MUC6: variants seen among roughly 807,000 people sequenced by gnomAD.
The protein encoded by MUC6 is mucin 6, oligomeric mucus/gel-forming (gene/pseudogene), also known as mucin-6.
A neutral mutation model predicts 201.5 loss-of-function variants in MUC6; 188 were observed. That is an observed-to-expected ratio of 0.93 (90% confidence interval 0.83 to 1.05). MUC6 has a LOEUF of 1.05. Among genes scored for constraint, MUC6 ranks in the 50% least tolerant of loss-of-function variants. The probability of loss-of-function intolerance (pLI) is 0.00; values close to 1 mark genes in which losing one functional copy is unlikely to be tolerated. For missense variants in MUC6, 2,706 were observed against 3,256.9 expected (o/e 0.83, Z 4.12); for synonymous variants, 1,228 against 1,389.4 (o/e 0.88, Z 2.58).
intron 31 of MUC6, among the ~76,000 whole-genome samples, chr11:1,015,175 C>A (rs1012807740): frequency 2.0e-5 from 3 of 151,992 alleles, no homozygotes; most frequent in Non-Finnish European, 4.4e-5. Context: ...CCCAGGCATC[C>A]CATGGCCTGG....
intron 9 of MUC6, 51 bp from the exon 10 acceptor site, chr11:1,029,417 A>G (rs1348078953): frequency 6.3e-7 from 1 of 1,596,514 alleles, no homozygotes. Flanking sequence ...CGCTGGAGCC[A>G]GACAGCACAC....
At position 1,013,433 on chromosome 11, in the gene MUC6, C is replaced by T. The variant is rs751268641; in HGVS notation, c.*23G>A. On this transcript the variant is annotated 3_prime_UTR_variant, in exon 33 of 33. Transcript: ENST00000421673. ...TCTGTCATCTGCAGTCCTTCAGCCC[C>T]AGGAGAGCAGGCAGCGACCCTGCTA... 2 of 1,556,234 alleles carry T rather than the reference C, an allele frequency of 1.3e-6. No homozygotes were observed. Among genetic ancestry groups the T allele is most frequent in the South Asian group, 1.2e-5 (1 of 84,256 alleles).
In MUC6 at chr11:1,018,881, G is replaced by T; in HGVS notation, c.4031-111C>A. On this transcript the variant is annotated intron_variant, in intron 30 of 32. Transcript: ENST00000421673. The stretch of plus-strand genomic sequence containing the variant: ...CTTTTTCTTGCCTGTCTGTGCCTCT[G>T]TTCCTGTGACATGGCCCCTGCTGGG... 12 of 1,387,434 alleles carry T rather than the reference G, an allele frequency of 8.6e-6. 1 individual carries two copies. In the South Asian group the frequency reaches 1.6e-4, roughly 18 times the overall value. The allele number at this position is 1,387,434 out of a possible 1,614,324, so 85.9% of individuals were successfully genotyped here.
In MUC6 at chr11:1,017,674, A is replaced by C; in HGVS notation, c.5127T>G (p.Thr1709=). ...SSTHHAEATS[T]STTNITPNPT... ...GGTTGGGGGTGATGTTGGTGGTAGA[A>C]GTTGAGGTGGCTTCAGCATGGTGTG... is the stretch of plus-strand genomic sequence containing the variant. Residue 1709 remains threonine, a synonymous_variant, in exon 31 of 33, where the codon ACT becomes ACG. Coordinates refer to ENST00000421673, the MANE Select transcript of MUC6 (RefSeq NM_005961.3). The C allele has an allele frequency of 6.6e-7, 1 of 1,513,386 alleles. No individual in the cohort carries two copies. Among genetic ancestry groups the C allele is most frequent in the South Asian group, 1.3e-5 (1 of 76,084 alleles). The allele number at this position is 1,513,386 out of a possible 1,614,324, so 93.7% of individuals were successfully genotyped here.
Position 1,028,882 on chromosome 11 carries a change from GACGTACGAGTCTTGTATGGC to G in MUC6, c.1440_1453+6del. 1.2e-6 allele frequency: 2 copies of G among 1,612,002 alleles called. No homozygotes were observed. The highest frequency in any genetic ancestry group is 1.7e-6 in the Non-Finnish European group (2 of 1,179,886). ...TCTGGGGGGCCACAGACTGGGCCAGGACGTACGAGTCTTGTATGGCAGCCACTTGGCTTCTCCGTTGTTGG... is the reference window on the plus strand; with the variant it reads ...TCTGGGGGGCCACAGACTGGGCCAGGAGCCACTTGGCTTCTCCGTTGTTGG... On this transcript the variant is annotated splice_donor_variant and splice_donor_5th_base_variant and coding_sequence_variant and intron_variant, in exon 12 of 33. Coordinates refer to ENST00000421673, the MANE Select transcript of MUC6 (RefSeq NM_005961.3). LOFTEE classifies it high-confidence loss of function.
intron 30 of MUC6, among the ~76,000 whole-genome samples, 191 bp from the exon 31 acceptor site, chr11:1,018,961 C>T (rs1337965457): frequency 6.6e-6 from 1 of 152,194 alleles, no homozygotes; most frequent in Non-Finnish European, 1.5e-5. Context: ...CACATCCTGC[C>T]CTGAGCTGCG....
At position 1,015,785 on chromosome 11, in the gene MUC6, C is replaced by T; in HGVS notation, c.7016G>A (p.Gly2339Glu). 6.5e-7 allele frequency: 1 copy of T among 1,546,746 alleles called. No homozygotes were observed. The highest frequency in any genetic ancestry group is 8.7e-7 in the Non-Finnish European group (1 of 1,144,292). The change falls in exon 31 of 33, where the codon GGG becomes GAG. Residue 2339 changes from glycine to glutamate, a missense_variant. By Grantham distance (98) the Gly-to-Glu change is moderately conservative. Around this residue, in one of 10 missense-constraint regions of MUC6, gnomAD observed 586 missense variants for 488.0 expected, o/e 1.20. Coordinates refer to ENST00000421673, the MANE Select transcript of MUC6 (RefSeq NM_005961.3). ...TPASAPVSSL[G>E]TPTPTSPGVC... is the part of the protein sequence containing the mutation. ...ACCGGGTGAGGTGGGCGTAGGTGTC[C>T]CGAGAGAAGATACCGGGGCAGAAGC...
In MUC6 at chr11:1,013,294, C is replaced by T; in HGVS notation, c.*162G>A. On this transcript the variant is annotated 3_prime_UTR_variant, in exon 33 of 33. Transcript: ENST00000421673. ...AGTCTGAGCCCCTGCTTGGCAGCCC[C>T]TCTCCAACCGGTGCCCCAGGGAGCC... The T allele has an allele frequency of 2.9e-6, 2 of 684,620 alleles. No individual in the cohort carries two copies. Among genetic ancestry groups the T allele is most frequent in the Admixed American group, 3.0e-5 (1 of 33,164 alleles). 42.4% of individuals were successfully genotyped at this position (684,620 alleles called of 1,614,324 possible).
chr11:1,030,530 C>T (rs747216254), intron 7 of MUC6, 43 bp downstream of exon 7: 46 of 1,465,544 alleles, frequency 3.1e-5, no homozygotes, highest in Admixed American at 8.9e-5. Flanking sequence ...GGGTCTGGAG[C>T]CCTCGGCCTT....
intron 28 of MUC6, 80 bp downstream of exon 28, chr11:1,020,604 C>A: frequency 6.3e-7 from 1 of 1,585,250 alleles, no homozygotes; most frequent in South Asian, 1.1e-5. Context: ...TGCTTCCCAC[C>A]CGACAGATTT....
rs566503175 is a variant in MUC6, at chr11:1,020,652, G to A, written c.3640+32C>T. Reference sequence around the variant, plus strand: ...GAGGGGAGCCCAGGAAAGGGCCTGCGTCACCTTGGCACCTAGTGTGCGTGC... The same window carrying A: ...GAGGGGAGCCCAGGAAAGGGCCTGCATCACCTTGGCACCTAGTGTGCGTGC... On this transcript the variant is annotated intron_variant, in intron 28 of 32. Transcript: ENST00000421673. The A allele has an allele frequency of 1.1e-4, 177 of 1,613,488 alleles. 1 individual carries two copies. In the East Asian group the frequency reaches 3.1e-3, roughly 28 times the overall value.
chr11:1,017,572 GGCCGTGCTAAATGAGCT>G lies in MUC6; in HGVS notation c.5212_5228del (p.Ser1738GlnfsTer17). On this transcript the variant is annotated frameshift_variant, in exon 31 of 33. Transcript: ENST00000421673. LOFTEE classifies it high-confidence loss of function. ...GTGAATGTAGGGATGTAGAGGTTTT[GGCCGTGCTAAATGAGCT>G]TCGGGATTGGCTGGTCCCACTGGTG... The G allele has an allele frequency of 2.8e-6, 4 of 1,415,552 alleles. No homozygotes were observed. The highest frequency in any genetic ancestry group is 2.8e-6 in the Non-Finnish European group (3 of 1,057,386). 87.7% of individuals were successfully genotyped at this position (1,415,552 alleles called of 1,614,324 possible). A position where few individuals can be genotyped will look rare whatever the true frequency, so the allele number is the denominator to read the frequency against.
At chr11:1,022,952 AAATG>A (rs773557323) in intron 26 of MUC6, among the ~76,000 whole-genome samples, 3 of 149,838 alleles carry the variant, frequency 2.0e-5, no homozygotes, top group Admixed American at 6.6e-5. Flanking sequence ...AAATGTGCGT[AAATG>A]AATGCATGAG....
chr11:1,030,995 G>T lies in MUC6; in HGVS notation c.636C>A (p.Ile212=). 3 of 1,586,052 alleles carry T rather than the reference G, an allele frequency of 1.9e-6. No homozygotes were observed. Among genetic ancestry groups the T allele is most frequent in the South Asian group, 1.2e-5 (1 of 86,620 alleles). The part of the protein sequence containing the change: ...ALQKLDDPGE[I]CTFQDIPSTH... ...TGCTGGGGATGTCCTGGAAGGTGCA[G>T]ATCTCGCCGGGGTCGTCCAGCTTCT... Residue 212 remains isoleucine (I), a synonymous_variant, in exon 6 of 33, where the codon ATC becomes ATA. Transcript: ENST00000421673.
chr11:1,027,898 T>A (rs1023692987), intron 15 of MUC6, 67 bp downstream of exon 15: 1 of 1,568,350 alleles, frequency 6.4e-7, no homozygotes, highest in African/African-American at 1.4e-5. Flanking sequence ...TGCCCTTGGG[T>A]GCCTGAGACC....
rs1050978790 is a variant in MUC6 at position 1,013,234 on chromosome 11, C to G, written c.*222G>C. On this transcript the variant is annotated 3_prime_UTR_variant, in exon 33 of 33. Transcript: ENST00000421673. ...TCCGTGACCACTGTCCGCCTCAGTC[C>G]CTCTCTGCTGGCTCAGGGTCTGCAG... 1 of 576,198 alleles carries G rather than the reference C, an allele frequency of 1.7e-6. No homozygotes were observed. The highest frequency in any genetic ancestry group is 3.0e-5 in the East Asian group (1 of 33,400). 35.7% of individuals were successfully genotyped at this position (576,198 alleles called of 1,614,324 possible). A position where few individuals can be genotyped will look rare whatever the true frequency, so the allele number is the denominator to read the frequency against.
At position 1,013,990 on chromosome 11, in the gene MUC6, C is replaced by T. The variant is rs1421187788; in HGVS notation, c.7051G>A (p.Val2351Met). The change falls in exon 32 of 33, where the codon GTG (valine) becomes ATG (methionine). Residue 2351 changes from valine to methionine, a missense_variant. Around this residue, in one of 10 missense-constraint regions of MUC6, gnomAD observed 586 missense variants for 488.0 expected, o/e 1.20. Coordinates refer to ENST00000421673, the MANE Select transcript of MUC6 (RefSeq NM_005961.3). ...GTGATCTCCTCCTGCTGCTCCCGCA[C>T]ACTGCAGACCCCTGGTAGCCGAGTG... is the stretch of plus-strand genomic sequence containing the variant. ...PTPTSPGVCS[V>M]REQQEEITFK... 2 of 1,607,606 alleles carry T rather than the reference C, an allele frequency of 1.2e-6. No homozygotes were observed. Among genetic ancestry groups the T allele is most frequent in the African/African-American group, 1.3e-5 (1 of 74,980 alleles).
At chr11:1,032,547 GGT>G (rs1448204257) in intron 2 of MUC6, among the ~76,000 whole-genome samples, 1 of 151,260 alleles carries the variant, frequency 6.6e-6, no homozygotes, top group African/African-American at 2.4e-5. Context: ...AGGTGTGTAG[GGT>G]GTGTACATAG....
chr11:1,018,173 G>A lies in MUC6; in HGVS notation c.4628C>T (p.Thr1543Ile). 1 of 1,035,802 alleles carries A rather than the reference G, an allele frequency of 9.7e-7. No individual in the cohort carries two copies. Among genetic ancestry groups the A allele is most frequent in the Non-Finnish European group, 1.3e-6 (1 of 744,072 alleles). The allele number at this position is 1,035,802 out of a possible 1,614,324, so 64.2% of individuals were successfully genotyped here. ...ACTAGTGGGGTTGGGAGTAATCGTG[G>A]TAGTAGAAGTTGGGGTGACTTCAGG... ...HHPEVTPTSTTTITPNPTSTR... is the reference protein window; with the variant it reads ...HHPEVTPTSTITITPNPTSTR... The change falls in exon 31 of 33, where the codon ACC becomes ATC. Residue 1543 changes from threonine to isoleucine, a missense_variant. Transcript: ENST00000421673.
Sources: allele counts gnomAD v4.1 joint callset (sites outside exome capture counted in the v4.1 genomes callset), GRCh38; gene constraint gnomAD v4.1.1; regional missense constraint gnomAD v4.1.1; transcripts MANE v1.5; gene names NCBI Gene and HGNC (gene_info 2026-07-23, HGNC 2026-07-21).